TRPC1: variants seen among roughly 807,000 people sequenced by gnomAD.
TRPC1 encodes the protein short transient receptor potential channel 1.
In TRPC1, 42 loss-of-function variants were observed where a neutral mutation model predicts 88.2. The observed-to-expected ratio is 0.48, with a 90% CI of 0.37 to 0.62. The LOEUF is 0.62. Ranked by LOEUF, TRPC1 falls within the 20% of genes least tolerant of loss-of-function variation. TRPC1 has a pLI of 0.00. For synonymous variants in TRPC1, 288 were observed against 331.8 expected (o/e 0.87, Z 1.43); for missense variants, 699 against 957.3 (o/e 0.73, Z 3.56).
At position 142,781,490 on chromosome 3, in the gene TRPC1, A is replaced by G. The variant is rs6772852; in HGVS notation, c.960+461A>G. Among the ~76,000 whole-genome samples the G allele has an allele frequency of 4.6e-3, 706 of 152,228 alleles. 5 individuals carry two copies. Among genetic ancestry groups the G allele is most frequent in the African/African-American group, 0.016 (656 of 41,550 alleles). On this transcript the variant is annotated intron_variant, in intron 6 of 12. Transcript: ENST00000476941. ...AGTGATTTCTATTTAAAAATAAAGT[A>G]TCAGATACTATATTTCCTGATTCCT...
chr3:142,764,283 G>A (rs920555047), intron 4 of TRPC1, among the ~76,000 whole-genome samples: 6 of 151,768 alleles, frequency 4.0e-5, no homozygotes, highest in Admixed American at 3.3e-4. Context: ...AGATATGAAT[G>A]GATTGTACAC....
chr3:142,736,571 G>T (rs1404043369), intron 2 of TRPC1, 38 bp downstream of exon 2: 1 of 1,527,838 alleles, frequency 6.5e-7, no homozygotes, highest in East Asian at 2.4e-5. Context: ...TAACTTCTAA[G>T]TGCTGTTAGA....
intron 9 of TRPC1, among the ~76,000 whole-genome samples, chr3:142,798,100 A>G (rs986764498): frequency 3.9e-5 from 6 of 152,040 alleles, no homozygotes; most frequent in African/African-American, 1.4e-4. Context: ...CTAGATTCTC[A>G]AGTCCTACCC....
At chr3:142,750,245 G>GT (rs1934706127) in intron 4 of TRPC1, among the ~76,000 whole-genome samples, 1 of 152,178 alleles carries the variant, frequency 6.6e-6, no homozygotes, top group Non-Finnish European at 1.5e-5. Context: ...CCATCAAAAA[G>GT]TGGGTGAAGC....
intron 2 of TRPC1, among the ~76,000 whole-genome samples, chr3:142,741,421 C>G (rs1038014464): frequency 6.6e-6 from 1 of 151,968 alleles, no homozygotes; most frequent in Non-Finnish European, 1.5e-5. Context: ...CTTTACCATC[C>G]TTAGTTGGAA....
chr3:142,732,815 A>G (rs73003973), intron 1 of TRPC1, among the ~76,000 whole-genome samples: 10,666 of 152,270 alleles, frequency 0.07, 1,215 homozygotes, highest in African/African-American at 0.24. Flanking sequence ...CAACTTCGTT[A>G]TAAAATGAAT....
intron 1 of TRPC1, among the ~76,000 whole-genome samples, chr3:142,727,263 C>G (rs1026724564): frequency 1.3e-5 from 2 of 152,156 alleles, no homozygotes; most frequent in Admixed American, 1.3e-4. Context: ...CTATGGTGTT[C>G]TAGAGTGTCT....
chr3:142,777,519 TTTTC>T, intron 4 of TRPC1, 109 bp from the exon 5 acceptor site: 1 of 621,134 alleles, frequency 1.6e-6, no homozygotes, highest in Non-Finnish European at 2.3e-6. Context: ...TATCTGTAGT[TTTTC>T]TTTTAATTTT....
intron 2 of TRPC1, among the ~76,000 whole-genome samples, chr3:142,743,210 A>T (rs1191262598): frequency 1.3e-5 from 2 of 152,154 alleles, no homozygotes; most frequent in African/African-American, 4.8e-5. Context: ...TGCATGGATC[A>T]GCACTGTTAC....
chr3:142,746,057 A>G (rs988394990), intron 3 of TRPC1, among the ~76,000 whole-genome samples: 3 of 152,184 alleles, frequency 2.0e-5, no homozygotes, highest in Non-Finnish European at 4.4e-5. Flanking sequence ...TCATATCTTG[A>G]TAGCCCTTTT....
chr3:142,796,990 G>A (rs962883131), intron 9 of TRPC1, among the ~76,000 whole-genome samples: 3 of 152,054 alleles, frequency 2.0e-5, no homozygotes, highest in African/African-American at 7.2e-5. Flanking sequence ...CAGACATAAA[G>A]TCGAGTGGAC....
chr3:142,763,181 T>C (rs80062880), intron 4 of TRPC1, among the ~76,000 whole-genome samples: 2 of 152,254 alleles, frequency 1.3e-5, no homozygotes, highest in East Asian at 3.9e-4. Flanking sequence ...CAGTTAGGCC[T>C]ATTAGATCTA....
At chr3:142,748,583 C>A in intron 4 of TRPC1, 123 bp downstream of exon 4, 1 of 950,082 alleles carries the variant, frequency 1.1e-6, no homozygotes, top group Non-Finnish European at 1.6e-6. Context: ...TTATGAAAGC[C>A]AAACTTGTAG....
chr3:142,761,387 T>C (rs552130237), intron 4 of TRPC1, among the ~76,000 whole-genome samples: 2 of 152,344 alleles, frequency 1.3e-5, no homozygotes, highest in South Asian at 2.1e-4. Context: ...GATACATATA[T>C]GTTGAATCAT....
intron 4 of TRPC1, among the ~76,000 whole-genome samples, chr3:142,764,136 A>G (rs1935307102): frequency 6.6e-6 from 1 of 151,070 alleles, no homozygotes; most frequent in African/African-American, 2.4e-5. Flanking sequence ...TTAGTTGTCA[A>G]CTGATATATT....
chr3:142,788,683 G>C (rs556510130), intron 7 of TRPC1, among the ~76,000 whole-genome samples: 1 of 152,158 alleles, frequency 6.6e-6, no homozygotes, highest in Admixed American at 6.5e-5. Context: ...GAGGACCTAA[G>C]ATCAAGCCCT....
chr3:142,739,414 A>G (rs760447026), intron 2 of TRPC1, among the ~76,000 whole-genome samples: 28 of 152,210 alleles, frequency 1.8e-4, no homozygotes, highest in Non-Finnish European at 3.5e-4. Flanking sequence ...CTTACCTATT[A>G]TGCTAATCTA....
At chr3:142,805,233 A>G (rs1281967149) in intron 12 of TRPC1, among the ~76,000 whole-genome samples, 1 of 151,994 alleles carries the variant, frequency 6.6e-6, no homozygotes, top group Non-Finnish European at 1.5e-5. Flanking sequence ...GATTCCTCCA[A>G]TATATAAAAT....
chr3:142,784,992 G>T lies in TRPC1; in HGVS notation c.1249G>T (p.Gly417Trp). 1 of 1,613,250 alleles carries T rather than the reference G, an allele frequency of 6.2e-7. No homozygotes were observed. The highest frequency in any genetic ancestry group is 8.5e-7 in the Non-Finnish European group (1 of 1,179,756). ...VYNEDKKNTM[G>W]PALERIDYLL... ...CAATGAGGATAAGAAAAACACAATG[G>T]GGCCAGCCCTTGAAAGAATAGACTA... The change falls in exon 7 of 13, where the codon GGG becomes TGG. Residue 417 changes from glycine (G) to tryptophan (W), a missense_variant. Gly to Trp is a radical substitution (Grantham distance 184). Coordinates refer to ENST00000476941, the MANE Select transcript of TRPC1 (RefSeq NM_001251845.2).
Sources: allele counts gnomAD v4.1 joint callset (sites outside exome capture counted in the v4.1 genomes callset), GRCh38; gene constraint gnomAD v4.1.1; transcripts MANE v1.5; gene names NCBI Gene and HGNC (gene_info 2026-07-23, HGNC 2026-07-21).